The following RGS6 variants were observed in gnomAD, a reference collection of about 807,000 sequenced individuals.
The protein encoded by RGS6 is regulator of G protein signaling 6.
In RGS6, 30 loss-of-function variants were observed where a neutral mutation model predicts 78.5. The ratio of observed to expected loss-of-function variants is 0.38; its 90% CI spans 0.29 to 0.52. The LOEUF is 0.52. Ranked by LOEUF, RGS6 falls within the 20% of genes least tolerant of loss-of-function variation. RGS6 has a pLI of 0.85. For missense variants in RGS6, 495 were observed against 609.7 expected (o/e 0.81, Z 1.98); for synonymous variants, 206 against 206.0 (o/e 1.00, Z 0.00).
At chr14:72,455,629 T>G (rs974414279) in intron 4 of RGS6, among the ~76,000 whole-genome samples, 2 of 152,244 alleles carry the variant, frequency 1.3e-5, no homozygotes, top group African/African-American at 4.8e-5. Flanking sequence ...GATTAGTGGC[T>G]ACTCTCACAA....
chr14:71,868,313 T>A, the RGS6 span, among the ~76,000 whole-genome samples: 1 of 152,128 alleles, frequency 6.6e-6, no homozygotes, highest in African/African-American at 2.4e-5. Context: ...ATGATTTTGA[T>A]AACTGAAAGT....
chr14:72,602,060 G>A, the RGS6 span, among the ~76,000 whole-genome samples: 5 of 152,312 alleles, frequency 3.3e-5, no homozygotes, highest in East Asian at 9.6e-4. Flanking sequence ...CGGGGCCAAG[G>A]GCTTTACCCG....
intron 8 of RGS6, among the ~76,000 whole-genome samples, chr14:72,471,548 G>C (rs1344353048): frequency 6.6e-6 from 1 of 152,220 alleles, no homozygotes; most frequent in African/African-American, 2.4e-5. Context: ...TGCAGCCCGT[G>C]GCCTGGAGCC....
intron 2 of RGS6, among the ~76,000 whole-genome samples, chr14:72,263,448 G>T (rs2153892219): frequency 6.6e-6 from 1 of 152,178 alleles, no homozygotes; most frequent in Non-Finnish European, 1.5e-5. Flanking sequence ...TGGTCTCTCT[G>T]CACTCCTCCT....
intron 2 of RGS6, among the ~76,000 whole-genome samples, chr14:72,325,878 A>G (rs1174918606): frequency 1.3e-5 from 2 of 152,214 alleles, no homozygotes; most frequent in African/African-American, 4.8e-5. Flanking sequence ...ACAAGGATCA[A>G]AAAGTTTAAT....
chr14:72,471,035 G>A (rs919007632), intron 8 of RGS6, among the ~76,000 whole-genome samples: 1 of 152,056 alleles, frequency 6.6e-6, no homozygotes, highest in Non-Finnish European at 1.5e-5. Flanking sequence ...GGTGACCCCT[G>A]TAAGTTTTCT....
At chr14:72,179,607 A>G (rs1261568993) in intron 2 of RGS6, among the ~76,000 whole-genome samples, 1 of 152,070 alleles carries the variant, frequency 6.6e-6, no homozygotes, top group Non-Finnish European at 1.5e-5. Flanking sequence ...ATTTGCATTG[A>G]TTCCTGCCAA....
At chr14:72,454,904 G>T (rs928949744) in intron 4 of RGS6, among the ~76,000 whole-genome samples, 3 of 152,168 alleles carry the variant, frequency 2.0e-5, no homozygotes, top group African/African-American at 7.2e-5. Flanking sequence ...GCCTTCTAGA[G>T]CCAGCTCTTA....
intron 11 of RGS6, among the ~76,000 whole-genome samples, chr14:72,477,801 A>AAG (rs1566943146): frequency 6.8e-6 from 1 of 148,022 alleles, no homozygotes; most frequent in Non-Finnish European, 1.5e-5. Flanking sequence ...TGTCTCAAAA[A>AAG]AAAAAAAGAA....
the RGS6 span, among the ~76,000 whole-genome samples, chr14:71,869,389 C>G: frequency 1.3e-5 from 2 of 152,200 alleles, no homozygotes; most frequent in African/African-American, 2.4e-5. Flanking sequence ...ATGTGACTAC[C>G]ATGACTGTGA....
chr14:72,413,317 A>T (rs1356743906), intron 3 of RGS6, among the ~76,000 whole-genome samples: 6 of 152,188 alleles, frequency 3.9e-5, no homozygotes, highest in Non-Finnish European at 8.8e-5. Context: ...CTTTAGCATT[A>T]TGTAATAGCC....
At chr14:72,130,413 C>T (rs2153588780) in intron 2 of RGS6, among the ~76,000 whole-genome samples, 1 of 152,266 alleles carries the variant, frequency 6.6e-6, no homozygotes, top group East Asian at 1.9e-4. Flanking sequence ...CCCCAGAGGT[C>T]AGGGACAAGG....
At chr14:71,893,712 A>G in the RGS6 span, among the ~76,000 whole-genome samples, 1 of 152,180 alleles carries the variant, frequency 6.6e-6, no homozygotes, top group African/African-American at 2.4e-5. Context: ...TGTGCATTGG[A>G]TAAATACATA....
intron 2 of RGS6, among the ~76,000 whole-genome samples, chr14:72,017,044 C>T (rs958013976): frequency 2.0e-5 from 3 of 151,678 alleles, no homozygotes; most frequent in East Asian, 3.9e-4. Context: ...TTCTTTCTTT[C>T]ATTTGTTCCT....
Position 72,102,872 on chromosome 14 carries a change from G to A in RGS6, c.84+137997G>A, listed in dbSNP as rs79204264. Among the ~76,000 whole-genome samples, 376 of 152,158 alleles carry A rather than the reference G, an allele frequency of 2.5e-3. 9 individuals are homozygous for A. In the South Asian group the frequency reaches 0.036, roughly 15 times the overall value. ...TTTTTTCTTAAAAGTCTACTCGTTC[G>A]TGAAATCACAAGTTCACACTCAGGG... On this transcript the variant is annotated intron_variant, in intron 2 of 17. Transcript: ENST00000553525.
At chr14:72,390,282 G>C (rs1263728983) in intron 3 of RGS6, among the ~76,000 whole-genome samples, 1 of 152,030 alleles carries the variant, frequency 6.6e-6, no homozygotes, top group Non-Finnish European at 1.5e-5. Context: ...ATTTTTAGTA[G>C]AGACGGGGTT....
At chr14:72,076,610 C>T (rs1005489938) in intron 2 of RGS6, among the ~76,000 whole-genome samples, 1 of 152,120 alleles carries the variant, frequency 6.6e-6, no homozygotes, top group African/African-American at 2.4e-5. Flanking sequence ...TTCACTGCAG[C>T]CTCTACCTCC....
intron 2 of RGS6, among the ~76,000 whole-genome samples, chr14:72,130,748 C>A (rs2153589649): frequency 1.3e-5 from 2 of 152,338 alleles, no homozygotes; most frequent in East Asian, 1.9e-4. Flanking sequence ...GTTTTCCTAT[C>A]ATTTGCTTAG....
At chr14:72,096,010 TGTAATCCCA>T (rs2095398474) in intron 2 of RGS6, among the ~76,000 whole-genome samples, 1 of 152,224 alleles carries the variant, frequency 6.6e-6, no homozygotes, top group African/African-American at 2.4e-5. Context: ...GGCTCACGCC[TGTAATCCCA>T]GCACTTTTGG....
Sources: gnomAD v4.1 joint callset for allele counts (sites outside exome capture counted in the v4.1 genomes callset) on GRCh38, gnomAD v4.1.1 for gene constraint, MANE v1.5 for transcripts, NCBI Gene and HGNC (gene_info 2026-07-23, HGNC 2026-07-21) for gene names.